The following ACTR3C variants were observed in gnomAD, a reference collection of about 807,000 sequenced individuals.
ACTR3C encodes the protein actin-related protein 3C.
Under a neutral mutation model 26.3 loss-of-function variants are expected in ACTR3C, and 18 were observed. That is an observed-to-expected ratio of 0.68 (90% CI 0.47 to 1.01). The LOEUF (loss-of-function observed/expected upper bound fraction) is 1.01. Ranked by LOEUF, ACTR3C falls within the 50% of genes least tolerant of loss-of-function variation. The pLI, the probability that ACTR3C is intolerant of heterozygous loss-of-function variation, is 0.00. For missense variants in ACTR3C, 184 were observed against 250.7 expected, an observed-to-expected ratio of 0.73 and a Z score of 1.80; for synonymous variants, 55 against 94.5, an observed-to-expected ratio of 0.58 and a Z score of 2.42.
intron 1 of ACTR3C, among the ~76,000 whole-genome samples, chr7:150,298,993 T>C (rs1795183018): frequency 6.9e-6 from 1 of 145,128 alleles, no homozygotes; most frequent in Non-Finnish European, 1.5e-5. Context: ...TTTTTTTTTT[T>C]TTTTTGAGAC....
chr7:149,990,922 C>T, the ACTR3C span, among the ~76,000 whole-genome samples: 3 of 152,150 alleles, frequency 2.0e-5, no homozygotes, highest in Admixed American at 6.5e-5. Context: ...AAAGTGAGAC[C>T]GGAAAGCGAG....
At chr7:150,245,813 G>A (rs558454198), downstream of ACTR3C, 5 of 152,354 alleles carry the variant, frequency 3.3e-5, no homozygotes, top group South Asian at 8.3e-4. Flanking sequence ...CTGCTGGGGG[G>A]CTCAGTGAAG....
the ACTR3C span, among the ~76,000 whole-genome samples, chr7:150,127,564 C>T: frequency 1.3e-5 from 2 of 151,586 alleles, no homozygotes; most frequent in Non-Finnish European, 2.9e-5. Flanking sequence ...TGTTTATTTC[C>T]GAGAGGAAGA....
chr7:149,968,083 A>G, the ACTR3C span, among the ~76,000 whole-genome samples: 3 of 152,246 alleles, frequency 2.0e-5, no homozygotes, highest in Admixed American at 6.5e-5. Context: ...CAAATGCTGC[A>G]TGAATGATTC....
the ACTR3C span, among the ~76,000 whole-genome samples, chr7:150,071,962 C>T: frequency 6.9e-6 from 1 of 145,762 alleles, no homozygotes; most frequent in African/African-American, 2.5e-5. Flanking sequence ...GTATCTGCTT[C>T]TATCAGCTTC....
At chr7:149,900,107 C>T in the ACTR3C span, among the ~76,000 whole-genome samples, 2 of 149,098 alleles carry the variant, frequency 1.3e-5, no homozygotes, top group African/African-American at 4.9e-5. Context: ...AACAGCACAC[C>T]TACTTCAAAA....
chr7:150,105,683 C>T, the ACTR3C span, among the ~76,000 whole-genome samples: 5 of 152,024 alleles, frequency 3.3e-5, no homozygotes, highest in African/African-American at 9.7e-5. Flanking sequence ...AAAGACATTG[C>T]ACTTTTGAAG....
chr7:150,049,659 C>T, the ACTR3C span, among the ~76,000 whole-genome samples: 1 of 152,386 alleles, frequency 6.6e-6, no homozygotes, highest in South Asian at 2.1e-4. Flanking sequence ...CTCTGTTTCC[C>T]TAACTGCGGG....
At chr7:150,204,987 G>A in the ACTR3C span, among the ~76,000 whole-genome samples, 1 of 152,278 alleles carries the variant, frequency 6.6e-6, no homozygotes. Flanking sequence ...ACCCACAGCC[G>A]CTCAAGCTCA....
At chr7:150,225,004 A>T in the ACTR3C span, among the ~76,000 whole-genome samples, 28 of 136,270 alleles carry the variant, frequency 2.1e-4, no homozygotes, top group East Asian at 5.2e-3. Flanking sequence ...CACCCCCATT[A>T]GTGTGTGTGT....
At chr7:150,033,993 G>C in the ACTR3C span, among the ~76,000 whole-genome samples, 2 of 150,762 alleles carry the variant, frequency 1.3e-5, no homozygotes, top group African/African-American at 4.9e-5. Flanking sequence ...CCGCCTCGGG[G>C]GGATTGCCTG....
chr7:150,179,682 G>A, the ACTR3C span, among the ~76,000 whole-genome samples: 16 of 151,338 alleles, frequency 1.1e-4, no homozygotes, highest in East Asian at 2.7e-3. Context: ...TAGAGGCAGG[G>A]GTCTCGCTAT....
the ACTR3C span, among the ~76,000 whole-genome samples, chr7:149,889,949 A>T: frequency 6.6e-6 from 1 of 152,228 alleles, no homozygotes; most frequent in African/African-American, 2.4e-5. Flanking sequence ...CGCAGTGGCC[A>T]TACTTGGCAA....
At chr7:150,038,251 A>G in the ACTR3C span, among the ~76,000 whole-genome samples, 16 of 144,704 alleles carry the variant, frequency 1.1e-4, 3 homozygotes, top group African/African-American at 3.1e-4. Flanking sequence ...TAGGGGGGCC[A>G]TCCTTTAGCA....
the ACTR3C span, among the ~76,000 whole-genome samples, chr7:149,893,254 G>A: frequency 0.61 from 92,389 of 151,472 alleles, 30,153 homozygotes; most frequent in South Asian, 0.79. Flanking sequence ...TTCTGTACAC[G>A]TGTTTGATGC....
chr7:149,917,635 C>CT, the ACTR3C span, among the ~76,000 whole-genome samples: 218 of 93,624 alleles, frequency 2.3e-3, 14 homozygotes, highest in African/African-American at 7.6e-3. Flanking sequence ...TGTTTTACAT[C>CT]TTTTTTTTTT....
the ACTR3C span, among the ~76,000 whole-genome samples, chr7:150,069,810 T>C: frequency 6.7e-6 from 1 of 149,794 alleles, no homozygotes; most frequent in Non-Finnish European, 1.5e-5. Flanking sequence ...GCTGGCACGC[T>C]GGAAACAGTG....
the ACTR3C span, among the ~76,000 whole-genome samples, chr7:150,221,872 C>T: frequency 6.6e-6 from 1 of 151,894 alleles, no homozygotes; most frequent in East Asian, 1.9e-4. Context: ...GTGGCGGGTG[C>T]CGGTAGTCCT....
At chr7:149,911,339 C>A in the ACTR3C span, among the ~76,000 whole-genome samples, 2 of 150,320 alleles carry the variant, frequency 1.3e-5, no homozygotes, top group Non-Finnish European at 3.0e-5. Context: ...AAATGATGCA[C>A]CTTATGCTTA....
Sources: allele counts gnomAD v4.1 joint callset (sites outside exome capture counted in the v4.1 genomes callset), GRCh38; gene constraint gnomAD v4.1.1; transcripts MANE v1.5; gene names NCBI Gene and HGNC (gene_info 2026-07-23, HGNC 2026-07-21).